CDH13: variants seen among roughly 807,000 people sequenced by gnomAD.
CDH13 encodes cadherin 13.
CDH13 carries 24 observed loss-of-function variants against 63.8 expected under a neutral mutation model. The ratio of observed to expected loss-of-function variants is 0.38; its 90% CI spans 0.27 to 0.53. The LOEUF (loss-of-function observed/expected upper bound fraction) is 0.53, where lower values mean the gene tolerates loss of function less well. Ranked by LOEUF, CDH13 falls within the 20% of genes least tolerant of loss-of-function variation. The pLI, the probability that CDH13 is intolerant of heterozygous loss-of-function variation, is 0.85. For synonymous variants in CDH13, 503 were observed against 355.3 expected (o/e 1.42, Z -4.67); for missense variants, 1,049 against 903.1 (o/e 1.16, Z -2.07).
In CDH13 at chr16:83,427,116, C is replaced by T. The variant is rs367890676; in HGVS notation, c.782-59361C>T. 2.9e-3 allele frequency among the ~76,000 whole-genome samples: 438 copies of T among 151,462 alleles called. 5 individuals carry two copies. Among genetic ancestry groups the T allele is most frequent in the African/African-American group, 9.9e-3 (407 of 41,292 alleles). ...TAATATTTTGTATTTTGGGTAGAGA[C>T]GGGGTTTCACCGTGGTCTCTATCTT... On this transcript the variant is annotated intron_variant, in intron 6 of 13. Coordinates refer to ENST00000567109, the MANE Select transcript of CDH13 (RefSeq NM_001257.5).
At chr16:83,369,131 G>A (rs935922924) in intron 6 of CDH13, among the ~76,000 whole-genome samples, 1 of 150,990 alleles carries the variant, frequency 6.6e-6, no homozygotes, top group Non-Finnish European at 1.5e-5. Context: ...GTTCTTTAAG[G>A]AATCTCCACA....
rs375021391 is a variant in CDH13, at chr16:82,762,883, T to C, written c.46-95479T>C. ...GCACTCTCTTCATTAATAGCCATTATTGTGGAGTCCTTAAAGTGGATTAAT... is the reference window on the plus strand; with the variant it reads ...GCACTCTCTTCATTAATAGCCATTACTGTGGAGTCCTTAAAGTGGATTAAT... On this transcript the variant is annotated intron_variant, in intron 1 of 13. Transcript: ENST00000567109. 5.0e-4 allele frequency among the ~76,000 whole-genome samples: 76 copies of C among 152,340 alleles called. 1 individual carries two copies. In the South Asian group the frequency reaches 5.6e-3, roughly 11 times the overall value.
chr16:83,081,353 G>A (rs2033239313), intron 3 of CDH13, among the ~76,000 whole-genome samples: 3 of 152,110 alleles, frequency 2.0e-5, no homozygotes, highest in Non-Finnish European at 2.9e-5. Flanking sequence ...AGTTGAAGAC[G>A]GGCATTGAAC....
intron 2 of CDH13, among the ~76,000 whole-genome samples, chr16:82,893,717 A>G (rs185360792): frequency 3.3e-5 from 5 of 152,254 alleles, no homozygotes; most frequent in Admixed American, 1.3e-4. Context: ...ACTTTTAATC[A>G]TTGGGCCATA....
chr16:82,902,477 G>A (rs1344457497), intron 2 of CDH13, among the ~76,000 whole-genome samples: 1 of 151,236 alleles, frequency 6.6e-6, no homozygotes, highest in Non-Finnish European at 1.5e-5. Flanking sequence ...TCCTGTGATT[G>A]TGCCTGGCAG....
intron 3 of CDH13, among the ~76,000 whole-genome samples, chr16:83,070,907 C>T (rs946236267): frequency 1.5e-5 from 2 of 137,818 alleles, no homozygotes; most frequent in African/African-American, 5.2e-5. Flanking sequence ...TTATTTATTG[C>T]TCATGATATA....
intron 3 of CDH13, among the ~76,000 whole-genome samples, chr16:83,121,434 G>C (rs578000329): frequency 8.5e-5 from 13 of 152,352 alleles, no homozygotes; most frequent in Non-Finnish European, 1.5e-4. Context: ...TTGGAGGTCT[G>C]TTGGAAATAT....
chr16:83,305,078 A>T (rs764183232), intron 5 of CDH13, among the ~76,000 whole-genome samples: 21 of 152,268 alleles, frequency 1.4e-4, no homozygotes, highest in Middle Eastern at 3.4e-3. Flanking sequence ...AGCCCAGGTG[A>T]GAGTTCTAAG....
intron 7 of CDH13, among the ~76,000 whole-genome samples, chr16:83,573,345 A>G (rs1165775309): frequency 6.6e-6 from 1 of 152,150 alleles, no homozygotes; most frequent in African/African-American, 2.4e-5. Flanking sequence ...GTCACCATTC[A>G]GTGGTGGGTC....
At chr16:82,723,894 T>A (rs1398959674) in intron 1 of CDH13, among the ~76,000 whole-genome samples, 2 of 152,290 alleles carry the variant, frequency 1.3e-5, no homozygotes, top group Non-Finnish European at 2.9e-5. Flanking sequence ...TCTTACCTGT[T>A]ATTTTTTCTA....
At chr16:82,652,755 T>G (rs1235562953) in intron 1 of CDH13, among the ~76,000 whole-genome samples, 1 of 152,120 alleles carries the variant, frequency 6.6e-6, no homozygotes, top group African/African-American at 2.4e-5. Flanking sequence ...TAAAGCCTTT[T>G]TATTTTTCCT....
At chr16:82,729,776 C>T (rs982877986) in intron 1 of CDH13, among the ~76,000 whole-genome samples, 9 of 152,134 alleles carry the variant, frequency 5.9e-5, no homozygotes, top group Non-Finnish European at 1.3e-4. Flanking sequence ...ATGGCATCTT[C>T]TTCCAGTATA....
At chr16:83,733,361 G>A (rs1013012496) in intron 10 of CDH13, among the ~76,000 whole-genome samples, 2 of 152,154 alleles carry the variant, frequency 1.3e-5, no homozygotes, top group African/African-American at 4.8e-5. Context: ...GTCTCCCAGG[G>A]ACCCTGCAGC....
At chr16:82,672,294 C>T (rs991852079) in intron 1 of CDH13, among the ~76,000 whole-genome samples, 6 of 152,150 alleles carry the variant, frequency 3.9e-5, no homozygotes, top group Non-Finnish European at 1.5e-5. Flanking sequence ...AGTGTGTCTT[C>T]CTCATTATTA....
At chr16:82,818,987 G>A (rs1236875098) in intron 1 of CDH13, among the ~76,000 whole-genome samples, 5 of 152,214 alleles carry the variant, frequency 3.3e-5, no homozygotes, top group Non-Finnish European at 2.9e-5. Flanking sequence ...GGCTTTGCCA[G>A]GAGGTGCTGT....
chr16:82,722,140 A>AT (rs577079653), intron 1 of CDH13, among the ~76,000 whole-genome samples: 353 of 152,274 alleles, frequency 2.3e-3, no homozygotes, highest in Non-Finnish European at 3.7e-3. Flanking sequence ...TTCAGTAAGC[A>AT]TTGGAGATGT....
intron 2 of CDH13, among the ~76,000 whole-genome samples, chr16:82,955,659 C>A (rs191222363): frequency 2.6e-5 from 4 of 152,050 alleles, no homozygotes; most frequent in African/African-American, 9.7e-5. Context: ...AGTGGGGGGA[C>A]AAAAACAGAT....
intron 3 of CDH13, among the ~76,000 whole-genome samples, chr16:83,073,321 CTGTGTGTGTG>C (rs567463667): frequency 1.7e-4 from 24 of 139,688 alleles, no homozygotes; most frequent in African/African-American, 2.4e-4. Flanking sequence ...GGGTGTGTGT[CTGTGTGTGTG>C]TGTGTGTGTG....
chr16:82,836,542 G>A (rs763196285), intron 1 of CDH13, among the ~76,000 whole-genome samples: 2 of 152,120 alleles, frequency 1.3e-5, no homozygotes, highest in African/African-American at 2.4e-5. Flanking sequence ...CCCACTTTGA[G>A]GAATACTGAT....
Sources: allele counts gnomAD v4.1 joint callset (sites outside exome capture counted in the v4.1 genomes callset), GRCh38; gene constraint gnomAD v4.1.1; transcripts MANE v1.5; gene names NCBI Gene and HGNC (gene_info 2026-07-23, HGNC 2026-07-21).